Variants in USP34 observed in about 807,000 individuals in gnomAD.
USP34 encodes ubiquitin carboxyl-terminal hydrolase 34.
Under a neutral mutation model 460.3 loss-of-function variants are expected in USP34, and 70 were observed. That is an observed-to-expected ratio of 0.15 (90% confidence interval 0.13 to 0.19). The LOEUF is 0.19. Among genes scored for constraint, USP34 ranks in the 10% least tolerant of loss-of-function variants. USP34 has a pLI of 1.00. For missense variants in USP34, 3,985 were observed against 4,236.2 expected (o/e 0.94, Z 1.65); for synonymous variants, 1,647 against 1,405.3 (o/e 1.17, Z -3.85).
intron 15 of USP34, among the ~76,000 whole-genome samples, chr2:61,345,312 C>G (rs889227058): frequency 6.6e-6 from 1 of 151,754 alleles, no homozygotes; most frequent in African/African-American, 2.4e-5. Context: ...GCCCAAAATG[C>G]CAATCTTGAA....
At chr2:61,457,225 G>A (rs1015219030) in intron 1 of USP34, among the ~76,000 whole-genome samples, 14 of 152,154 alleles carry the variant, frequency 9.2e-5, no homozygotes, top group African/African-American at 2.4e-4. Context: ...ACAGTGAGCC[G>A]TGATCGTGCC....
At chr2:61,356,733 T>C (rs1032644718) in intron 10 of USP34, among the ~76,000 whole-genome samples, 2 of 151,524 alleles carry the variant, frequency 1.3e-5, no homozygotes, top group African/African-American at 4.9e-5. Context: ...ATGAGGAGAG[T>C]TGTTGTTCAA....
At position 61,389,596 on chromosome 2, in the gene USP34, A is replaced by T. The variant is rs542746639; in HGVS notation, c.753+5257T>A. Among the ~76,000 whole-genome samples the T allele has an allele frequency of 2.0e-5, 3 of 152,226 alleles. No individual in the cohort carries two copies. In the South Asian group the frequency reaches 6.2e-4, roughly 31 times the overall value. ...TGCTTATAAAAGTAATGAAAACAAA[A>T]TTACATACTATGCAACAGAGGTACA... is the stretch of plus-strand genomic sequence containing the variant. On this transcript the variant is annotated intron_variant, in intron 5 of 79. Transcript: ENST00000398571.
At chr2:61,282,608 G>A (rs997435893) in intron 37 of USP34, among the ~76,000 whole-genome samples, 4 of 152,074 alleles carry the variant, frequency 2.6e-5, no homozygotes, top group African/African-American at 7.2e-5. Flanking sequence ...GGACAACACA[G>A]CGAGACCCCG....
rs1271094289 is a variant in USP34 at position 61,440,950 on chromosome 2, A to G, written c.44-20117T>C. Among the ~76,000 whole-genome samples the G allele has an allele frequency of 2.0e-5, 3 of 149,814 alleles. No individual in the cohort carries two copies. In the East Asian group the frequency reaches 6.1e-4, roughly 30 times the overall value. On this transcript the variant is annotated intron_variant, in intron 1 of 79. Transcript: ENST00000398571. ...AGACCATCCTGGCTAACACGGTGAA[A>G]CCCCGTCTCTACTAAAAATACAAAA... is the stretch of plus-strand genomic sequence containing the variant.
At chr2:61,463,675 A>G (rs1276416032) in intron 1 of USP34, among the ~76,000 whole-genome samples, 1 of 152,098 alleles carries the variant, frequency 6.6e-6, no homozygotes, top group African/African-American at 2.4e-5. Context: ...ATCGACTAAA[A>G]TTACAAAAAT....
chr2:61,278,932 C>CA (rs1407358039), intron 39 of USP34, among the ~76,000 whole-genome samples: 1 of 151,848 alleles, frequency 6.6e-6, no homozygotes, highest in East Asian at 1.9e-4. Flanking sequence ...CAGTTCATTC[C>CA]AAAAAAACTT....
intron 8 of USP34, among the ~76,000 whole-genome samples, chr2:61,373,088 C>T (rs923333484): frequency 2.0e-5 from 3 of 152,086 alleles, no homozygotes; most frequent in Non-Finnish European, 4.4e-5. Context: ...TGTTTTTTAT[C>T]TTATTTTATT....
At chr2:61,322,965 TG>T (rs1454960212) in intron 21 of USP34, among the ~76,000 whole-genome samples, 1 of 152,210 alleles carries the variant, frequency 6.6e-6, no homozygotes, top group Admixed American at 6.5e-5. Flanking sequence ...TAAACACTTT[TG>T]TTATTTTTTA....
At chr2:61,295,336 C>T (rs376920164) in intron 30 of USP34, 46 bp from the exon 31 acceptor site, 5 of 1,532,934 alleles carry the variant, frequency 3.3e-6, no homozygotes, top group Non-Finnish European at 4.4e-6. Context: ...ACTCAGGGAA[C>T]ACAAAAAAGA....
At chr2:61,374,100 G>A (rs975174974) in intron 8 of USP34, among the ~76,000 whole-genome samples, 2 of 150,278 alleles carry the variant, frequency 1.3e-5, no homozygotes, top group Non-Finnish European at 2.9e-5. Flanking sequence ...AGGTTGCAGT[G>A]AGCCGAGATC....
chr2:61,287,728 T>C (rs933204358), intron 34 of USP34, among the ~76,000 whole-genome samples: 3 of 152,226 alleles, frequency 2.0e-5, no homozygotes, highest in Non-Finnish European at 4.4e-5. Flanking sequence ...ACATACAAAA[T>C]ATGCATTCAC....
chr2:61,415,310 G>T (rs1694162420), intron 2 of USP34, among the ~76,000 whole-genome samples: 2 of 152,100 alleles, frequency 1.3e-5, no homozygotes, highest in African/African-American at 4.8e-5. Flanking sequence ...ATGAGCGTTT[G>T]AGAGAATTAA....
chr2:61,244,092 C>T (rs1235434822), intron 51 of USP34, among the ~76,000 whole-genome samples: 5 of 151,586 alleles, frequency 3.3e-5, no homozygotes, highest in Non-Finnish European at 5.9e-5. Context: ...TCTCAACTTT[C>T]GGCTAAGATC....
chr2:61,265,490 G>A lies in USP34; in HGVS notation c.5685C>T (p.Gly1895=). ...AACAAGTAGCTCCAAGGTTAGTAAG[G>A]CCAACAAATCTACATTCAGCACGGA... ...EDVRAECRFV[G]LTNLGATCYL... is the part of the protein sequence containing the mutation. Residue 1895 remains glycine, a synonymous_variant, in exon 43 of 80, where the codon GGC becomes GGT. Transcript: ENST00000398571. The A allele has an allele frequency of 6.2e-7, 1 of 1,613,480 alleles. No homozygotes were observed. Among genetic ancestry groups the A allele is most frequent in the Non-Finnish European group, 8.5e-7 (1 of 1,179,810 alleles).
intron 41 of USP34, among the ~76,000 whole-genome samples, chr2:61,276,217 T>C (rs1335506195): frequency 6.6e-6 from 1 of 152,252 alleles, no homozygotes; most frequent in Non-Finnish European, 1.5e-5. Context: ...TGTAAAATGA[T>C]GTATCCTTTT....
Position 61,370,511 on chromosome 2 carries a change from T to C in USP34, c.1145A>G (p.Asn382Ser). The change falls in exon 9 of 80, where the codon AAT (asparagine) becomes AGT (serine). Residue 382 changes from asparagine to serine, a missense_variant. By Grantham distance (46) the Asn-to-Ser change is conservative. Coordinates refer to ENST00000398571, the MANE Select transcript of USP34 (RefSeq NM_014709.4). ...TCATCCACAAACCTCAATATGTAAA[T>C]TTGGTCCAAATATATGCTCCACCAC... is the stretch of plus-strand genomic sequence containing the variant. ...NNVVEHIFGP[N>S]LHIEIIKQCQ... 1 of 1,613,940 alleles carries C rather than the reference T, an allele frequency of 6.2e-7. No homozygotes were observed. Among genetic ancestry groups the C allele is most frequent in the Non-Finnish European group, 8.5e-7 (1 of 1,179,930 alleles).
At chr2:61,261,926 A>AACCCTGTCT (rs1480529999) in intron 43 of USP34, among the ~76,000 whole-genome samples, 1 of 151,476 alleles carries the variant, frequency 6.6e-6, no homozygotes, top group Non-Finnish European at 1.5e-5. Context: ...AAGATGGTTA[A>AACCCTGTCT]ACCCTGTCTC....
At chr2:61,258,319 G>A (rs775521759) in intron 44 of USP34, among the ~76,000 whole-genome samples, 1 of 152,080 alleles carries the variant, frequency 6.6e-6, no homozygotes, top group Non-Finnish European at 1.5e-5. Context: ...GTGAGACCCT[G>A]CCTCAAAAAA....
Sources: gnomAD v4.1 joint callset for allele counts (sites outside exome capture counted in the v4.1 genomes callset) on GRCh38, gnomAD v4.1.1 for gene constraint, MANE v1.5 for transcripts, NCBI Gene and HGNC (gene_info 2026-07-23, HGNC 2026-07-21) for gene names.